STK36: variants seen among roughly 807,000 people sequenced by gnomAD.
The protein encoded by STK36 is serine/threonine-protein kinase 36.
Under a neutral mutation model 142.2 loss-of-function variants are expected in STK36, and 116 were observed. That is an observed-to-expected ratio of 0.82 (90% CI 0.70 to 0.95). The LOEUF (loss-of-function observed/expected upper bound fraction) is 0.95, where lower values mean the gene tolerates loss of function less well. Ranked by LOEUF, STK36 falls within the 40% of genes least tolerant of loss-of-function variation. The probability of loss-of-function intolerance (pLI) is 0.00; values close to 1 mark genes in which losing one functional copy is unlikely to be tolerated. For synonymous variants in STK36, 619 were observed against 641.7 expected (o/e 0.96, Z 0.53); for missense variants, 1,422 against 1,617.2 (o/e 0.88, Z 2.07).
chr2:218,672,570 T>A (rs755788087), intron 1 of STK36, among the ~76,000 whole-genome samples, 171 bp from the exon 2 acceptor site: 3 of 151,478 alleles, frequency 2.0e-5, no homozygotes, highest in Non-Finnish European at 4.4e-5. Context: ...TGGGGCCGGG[T>A]TGGGGACAGG....
intron 4 of STK36, among the ~76,000 whole-genome samples, chr2:218,674,354 C>G (rs1018409365): frequency 6.6e-6 from 1 of 152,032 alleles, no homozygotes; most frequent in African/African-American, 2.4e-5. Flanking sequence ...GGAAGAAGGG[C>G]CAGTGTAATG....
At chr2:218,701,136 CTT>C (rs35602378) in intron 26 of STK36, among the ~76,000 whole-genome samples, 5 of 142,768 alleles carry the variant, frequency 3.5e-5, no homozygotes, top group African/African-American at 2.6e-5. Flanking sequence ...TGGTGAAGAT[CTT>C]TTTTTTTTTT....
intron 11 of STK36, among the ~76,000 whole-genome samples, chr2:218,686,880 C>T (rs763670815): frequency 6.6e-6 from 1 of 152,216 alleles, no homozygotes; most frequent in Admixed American, 6.5e-5. Context: ...TACATTCCCA[C>T]CAGTATTATA....
In STK36 at chr2:218,672,900, A is replaced by C; in HGVS notation, c.71A>C (p.Lys24Thr). The change falls in exon 2 of 27, where the codon AAA becomes ACA. Residue 24 changes from lysine (K) to threonine (T), a missense_variant. Lys to Thr is a moderately conservative substitution (Grantham distance 78). Around this residue, in one of 2 missense-constraint regions of STK36, gnomAD observed 460 missense variants for 449.6 expected, o/e 1.02. Coordinates refer to ENST00000295709, the MANE Select transcript of STK36 (RefSeq NM_015690.5). Reference sequence around the variant, plus strand: ...GGGAGGGTGTACAAGGGTCGAAGAAAATACAGTGCTCAGGTGTTGCACAAA... The same window carrying C: ...GGGAGGGTGTACAAGGGTCGAAGAACATACAGTGCTCAGGTGTTGCACAAA... ...SFGRVYKGRR[K>T]YSAQVVALKF... 6.2e-7 allele frequency: 1 copy of C among 1,614,084 alleles called. No homozygotes were observed. The highest frequency in any genetic ancestry group is 8.5e-7 in the Non-Finnish European group (1 of 1,179,988).
chr2:218,675,950 G>A, intron 5 of STK36, 79 bp from the exon 6 acceptor site: 1 of 1,565,292 alleles, frequency 6.4e-7, no homozygotes, highest in East Asian at 2.3e-5. Flanking sequence ...TCCGGTTTGG[G>A]ATATCTCTAT....
chr2:218,683,192 C>G (rs748002188), intron 10 of STK36, among the ~76,000 whole-genome samples: 9 of 152,120 alleles, frequency 5.9e-5, no homozygotes, highest in Middle Eastern at 3.4e-3. Context: ...TCACTGCAGC[C>G]TTGAACTCAT....
intron 7 of STK36, 68 bp from the exon 8 acceptor site, chr2:218,679,492 C>T: frequency 6.5e-7 from 1 of 1,544,768 alleles, no homozygotes; most frequent in Middle Eastern, 1.9e-4. Context: ...CTGAAGTTGT[C>T]CCTGGCCAAG....
chr2:218,697,128 C>T lies in STK36; in HGVS notation c.2676C>T (p.Pro892=), dbSNP rs150037304. Residue 892 remains proline, a synonymous_variant, in exon 23 of 27, where the codon CCC becomes CCT. Coordinates refer to ENST00000295709, the MANE Select transcript of STK36 (RefSeq NM_015690.5). ...WHRFSMVLRL[P]EEASAQEGEL... is the part of the protein sequence containing the mutation. ...GCTTCTCCATGGTCCTGAGGCTCCC[C>T]GAGGAGGCATCTGCACAGGAAGGGG... is the stretch of plus-strand genomic sequence containing the variant. 407 of 1,614,114 alleles carry T rather than the reference C, an allele frequency of 2.5e-4. 1 individual carries two copies. The African/African-American group carries it at 4.2e-3, about 17-fold the overall frequency.
At chr2:218,686,846 T>C (rs1242289368) in intron 11 of STK36, among the ~76,000 whole-genome samples, 1 of 152,252 alleles carries the variant, frequency 6.6e-6, no homozygotes, top group Non-Finnish European at 1.5e-5. Flanking sequence ...TGCTGAACTA[T>C]TTTCCAAAGT....
At chr2:218,696,896 C>T (rs768511898) in intron 22 of STK36, 143 bp from the exon 23 acceptor site, 43 of 1,223,328 alleles carry the variant, frequency 3.5e-5, no homozygotes, top group African/African-American at 7.4e-5. Context: ...TGAAATAAGA[C>T]GACAGGGAAA....
intron 10 of STK36, 165 bp from the exon 11 acceptor site, chr2:218,684,920 C>G: frequency 1.3e-6 from 1 of 774,254 alleles, no homozygotes; most frequent in East Asian, 2.7e-5. Flanking sequence ...TCACAGACTG[C>G]CAGCTGTACC....
chr2:218,690,126 C>A (rs1940938843), intron 13 of STK36, among the ~76,000 whole-genome samples, 170 bp downstream of exon 13: 1 of 152,126 alleles, frequency 6.6e-6, no homozygotes. Flanking sequence ...AAGACAGCTC[C>A]AACTTGGCCT....
In STK36 at chr2:218,673,628, G is replaced by T. The variant is rs371037310; in HGVS notation, c.88G>T (p.Val30Leu). Residue 30 changes from valine to leucine, a missense_variant, in exon 3 of 27, where the codon GTG (valine) becomes TTG (leucine). Transcript: ENST00000295709. ...KGRRKYSAQV[V>L]ALKFIPKLGR... ...CTTTTCACCTTACCACTGACAGGTC[G>T]TGGCCCTGAAGTTCATCCCAAAATT... The T allele has an allele frequency of 5.0e-6, 8 of 1,613,396 alleles. No individual in the cohort carries two copies. In the South Asian group the frequency reaches 8.8e-5, roughly 18 times the overall value.
In STK36 at chr2:218,698,630, A is replaced by G. The variant is rs1941324957; in HGVS notation, c.3086A>G (p.Gln1029Arg). 6.2e-7 allele frequency: 1 copy of G among 1,614,054 alleles called. No individual in the cohort carries two copies. The highest frequency in any genetic ancestry group is 1.1e-5 in the South Asian group (1 of 91,060). Reference sequence around the variant, plus strand: ...TGCTGCTACCATCTTCCGTTGATGCAAGTGGAGCTGCCCATCAGCCTTCTC... The same window carrying G: ...TGCTGCTACCATCTTCCGTTGATGCGAGTGGAGCTGCCCATCAGCCTTCTC... The part of the protein sequence containing the change: ...QVCCYHLPLM[Q>R]VELPISLLTR... The change falls in exon 26 of 27, where the codon CAA becomes CGA. Residue 1029 changes from glutamine (Q) to arginine (R), a missense_variant. Physicochemically the swap from Gln to Arg is conservative, Grantham distance 43. Transcript: ENST00000295709.
intron 12 of STK36, 108 bp downstream of exon 12, chr2:218,688,984 T>G: frequency 8.7e-7 from 1 of 1,143,934 alleles, no homozygotes; most frequent in Non-Finnish European, 1.2e-6. Flanking sequence ...TTATTTTCTT[T>G]CCTCCTCTTT....
chr2:218,685,285 T>C, intron 11 of STK36, 57 bp downstream of exon 11: 2 of 1,600,476 alleles, frequency 1.2e-6, no homozygotes, highest in Non-Finnish European at 1.7e-6. Context: ...AGATGGAGCA[T>C]TGAAATACAC....
Position 218,690,566 on chromosome 2 carries a change from C to T in STK36, c.1764+11C>T. 1 of 1,599,870 alleles carries T rather than the reference C, an allele frequency of 6.3e-7. No homozygotes were observed. The highest frequency in any genetic ancestry group is 8.6e-7 in the Non-Finnish European group (1 of 1,166,992). ...AGGGACAGCCTTATGGTAATCTGCT[C>T]CCACTTCCAGATTTCTGTGTCTCCT... On this transcript the variant is annotated intron_variant, in intron 14 of 26. Coordinates refer to ENST00000295709, the MANE Select transcript of STK36 (RefSeq NM_015690.5).
intron 16 of STK36, among the ~76,000 whole-genome samples, 160 bp downstream of exon 16, chr2:218,692,870 A>G (rs890532961): frequency 1.3e-5 from 2 of 152,228 alleles, no homozygotes; most frequent in Admixed American, 6.5e-5. Flanking sequence ...AGAACATGAT[A>G]TAGCCAGAAT....
In STK36 at chr2:218,680,715, G is replaced by C. The variant is rs770092285; in HGVS notation, c.1236+13G>C. On this transcript the variant is annotated intron_variant, in intron 10 of 26. Coordinates refer to ENST00000295709, the MANE Select transcript of STK36 (RefSeq NM_015690.5). ...CCTGGAAAATGAGGTGAGCCCTAGG[G>C]TCTCTTACTGACTTTGTCTCTTTCA... 1.9e-6 allele frequency: 3 copies of C among 1,602,994 alleles called. No homozygotes were observed. In the African/African-American group the frequency reaches 4.0e-5, roughly 21 times the overall value.
Sources: gnomAD v4.1 joint callset for allele counts (sites outside exome capture counted in the v4.1 genomes callset) on GRCh38, gnomAD v4.1.1 for gene constraint, gnomAD v4.1.1 regional missense constraint, MANE v1.5 for transcripts, NCBI Gene and HGNC (gene_info 2026-07-23, HGNC 2026-07-21) for gene names.